Variants in OR3A2 observed in about 807,000 individuals in gnomAD.
The protein encoded by OR3A2 is olfactory receptor 3A2.
For missense variants in OR3A2, 318 were observed against 392.8 expected (o/e 0.81, Z 1.61); for synonymous variants, 126 against 159.3 (o/e 0.79, Z 1.57).
At chr17:3,372,847 A>AGAGGGAGAGGGAGAGGGAGAG (rs2049643258) in intron 2 of OR3A2, among the ~76,000 whole-genome samples, 3 of 65,124 alleles carry the variant, frequency 4.6e-5, no homozygotes, top group African/African-American at 1.7e-4. Context: ...GAGAAGGAGA[A>AGAGGGAGAGGGAGAGGGAGAG]GGAGAGGGAG....
intron 3 of OR3A2, among the ~76,000 whole-genome samples, chr17:3,324,151 G>A (rs976366900): frequency 4.6e-5 from 7 of 151,866 alleles, no homozygotes; most frequent in Admixed American, 2.6e-4. Flanking sequence ...TGATCGCATC[G>A]GCTACTGAGG....
chr17:3,276,807 G>C (rs1163458550), downstream of OR3A2: 2 of 152,098 alleles, frequency 1.3e-5, no homozygotes, highest in African/African-American at 4.8e-5. Flanking sequence ...AGGGAATGGA[G>C]ATGAAACCTT....
At chr17:3,278,046 A>C (rs1346334321) in exon 2 of OR3A2, 1 of 1,613,170 alleles carries the variant, frequency 6.2e-7, no homozygotes, top group Admixed American at 1.7e-5. Context: ...GCTGTAGATA[A>C]GAGGGTTCAG....
intron 3 of OR3A2, among the ~76,000 whole-genome samples, chr17:3,306,667 T>C (rs1260143091): frequency 2.5e-5 from 3 of 120,466 alleles, no homozygotes; most frequent in Non-Finnish European, 5.0e-5. Flanking sequence ...ATCACTGTGC[T>C]CTACTACTCT....
chr17:3,330,909 TG>T (rs1250469811), intron 3 of OR3A2, among the ~76,000 whole-genome samples: 1 of 152,010 alleles, frequency 6.6e-6, no homozygotes, highest in African/African-American at 2.4e-5. Context: ...GCAGGCCTGG[TG>T]GTGACAAAAT....
chr17:3,279,868 C>T (rs774626810), intron 1 of OR3A2, among the ~76,000 whole-genome samples: 1 of 152,076 alleles, frequency 6.6e-6, no homozygotes, highest in South Asian at 2.1e-4. Flanking sequence ...AAAGCTGTAG[C>T]AAGAATCAGA....
Position 3,330,079 on chromosome 17 carries a change from G to C in OR3A2, c.-85+5954C>G, listed in dbSNP as rs572670572. Among the ~76,000 whole-genome samples the C allele has an allele frequency of 3.1e-3, 450 of 145,644 alleles. 22 individuals carry two copies. The highest frequency in any genetic ancestry group is 0.012 in the African/African-American group (421 of 36,390). On this transcript the variant is annotated intron_variant, in intron 3 of 4. Coordinates refer to the OR3A2 transcript ENST00000573491. ...TGATTGCACTGTTGTCTGAGAGATA[G>C]TTTGTTATAATCTCTGTTCTTTTAC...
At chr17:3,316,428 C>A (rs1274102404) in intron 3 of OR3A2, among the ~76,000 whole-genome samples, 2 of 152,178 alleles carry the variant, frequency 1.3e-5, no homozygotes, top group Non-Finnish European at 2.9e-5. Flanking sequence ...CACACACATC[C>A]CAACAATACC....
exon 2 of OR3A2, chr17:3,383,874 G>T (rs915453546): frequency 6.6e-6 from 1 of 151,876 alleles, no homozygotes. Context: ...CTTCACCTCT[G>T]TTTTCATTCA....
intron 1 of OR3A2, among the ~76,000 whole-genome samples, chr17:3,282,857 G>C (rs804234): frequency 0.51 from 77,685 of 152,178 alleles, 21,759 homozygotes; most frequent in East Asian, 0.93. Context: ...CCAGCTCCTT[G>C]CTCATGCTGT....
intron 3 of OR3A2, among the ~76,000 whole-genome samples, chr17:3,328,965 TA>T: frequency 6.6e-6 from 1 of 151,736 alleles, no homozygotes; most frequent in African/African-American, 2.4e-5. Context: ...TCTATTGAGA[TA>T]ATCATGTGGT....
chr17:3,300,187 T>A (rs1468749600), intron 3 of OR3A2, among the ~76,000 whole-genome samples: 1 of 152,026 alleles, frequency 6.6e-6, no homozygotes, highest in Non-Finnish European at 1.5e-5. Flanking sequence ...CATCATCTGA[T>A]CACTATGACT....
intron 2 of OR3A2, among the ~76,000 whole-genome samples, chr17:3,355,429 T>C (rs1291515868): frequency 1.0e-3 from 1 of 1,004 alleles, no homozygotes; most frequent in Admixed American, 2.7e-3. Flanking sequence ...TGTTGGCATT[T>C]CTCTCTCTCT....
chr17:3,373,915 G>A (rs1450047553), intron 2 of OR3A2, among the ~76,000 whole-genome samples: 1 of 152,052 alleles, frequency 6.6e-6, no homozygotes, highest in South Asian at 2.1e-4. Context: ...ATGCTTTAAG[G>A]AGGTTCCAGT....
chr17:3,325,869 G>T (rs1597340974), intron 3 of OR3A2, among the ~76,000 whole-genome samples: 1 of 152,016 alleles, frequency 6.6e-6, no homozygotes, highest in South Asian at 2.1e-4. Context: ...ATGGTGGGTT[G>T]CTGCACAGAT....
intron 3 of OR3A2, among the ~76,000 whole-genome samples, chr17:3,312,829 G>A (rs551603895): frequency 2.0e-5 from 3 of 152,074 alleles, no homozygotes; most frequent in Admixed American, 1.3e-4. Flanking sequence ...TTACCATATT[G>A]GCCAGGCTGG....
At chr17:3,295,804 A>T (rs892760653) in intron 3 of OR3A2, among the ~76,000 whole-genome samples, 1 of 150,634 alleles carries the variant, frequency 6.6e-6, no homozygotes, top group African/African-American at 2.4e-5. Context: ...TTTGAATTCA[A>T]AAAAGTCAGT....
At chr17:3,310,806 C>G in intron 3 of OR3A2, 3 of 741,326 alleles carry the variant, frequency 4.0e-6, no homozygotes, top group South Asian at 2.6e-5. Context: ...AACTGTTGCC[C>G]TGTCTCCTCT....
chr17:3,359,341 C>T (rs1188230296), intron 2 of OR3A2, among the ~76,000 whole-genome samples: 1 of 151,518 alleles, frequency 6.6e-6, no homozygotes, highest in Non-Finnish European at 1.5e-5. Context: ...ATTATCTTGG[C>T]TTCTTTGTGT....
Sources: gnomAD v4.1 joint callset for allele counts (sites outside exome capture counted in the v4.1 genomes callset) on GRCh38, gnomAD v4.1.1 for gene constraint, MANE v1.5 for transcripts, NCBI Gene and HGNC (gene_info 2026-07-23, HGNC 2026-07-21) for gene names.